The following KLF12 variants were observed in gnomAD, a reference collection of about 807,000 sequenced individuals.
KLF12 encodes KLF transcription factor 12.
Under a neutral mutation model 37.8 loss-of-function variants are expected in KLF12, and 9 were observed. That is an observed-to-expected ratio of 0.24 (90% CI 0.14 to 0.42). KLF12 has a LOEUF of 0.42. KLF12 is among the 10% of genes least tolerant of loss of function. The pLI is 1.00. For missense variants in KLF12, 411 were observed against 516.0 expected (o/e 0.80, Z 1.97); for synonymous variants, 208 against 202.1 (o/e 1.03, Z -0.25).
At chr13:73,964,780 G>A (rs1239954873) in intron 2 of KLF12, among the ~76,000 whole-genome samples, 4 of 152,066 alleles carry the variant, frequency 2.6e-5, no homozygotes, top group African/African-American at 7.2e-5. Context: ...CCAAGTGTTC[G>A]AGACTGGCGT....
chr13:74,246,392 T>G, the KLF12 span, among the ~76,000 whole-genome samples: 1 of 152,172 alleles, frequency 6.6e-6, no homozygotes. Context: ...GCTAAAGTAT[T>G]TAGAATGTTG....
At chr13:73,932,453 G>A (rs1368518416) in intron 3 of KLF12, among the ~76,000 whole-genome samples, 4 of 152,090 alleles carry the variant, frequency 2.6e-5, no homozygotes, top group Non-Finnish European at 5.9e-5. Context: ...TTTTCTCAGT[G>A]ATGATTCTCT....
intron 1 of KLF12, among the ~76,000 whole-genome samples, chr13:74,041,104 A>T (rs1456488991): frequency 1.3e-5 from 2 of 152,160 alleles, no homozygotes; most frequent in Non-Finnish European, 2.9e-5. Flanking sequence ...TGACAACCAC[A>T]CTAGACTACT....
At chr13:74,190,613 C>T in the KLF12 span, among the ~76,000 whole-genome samples, 1 of 152,150 alleles carries the variant, frequency 6.6e-6, no homozygotes, top group Non-Finnish European at 1.5e-5. Context: ...TCAATTAATA[C>T]TTTATCATTT....
the KLF12 span, among the ~76,000 whole-genome samples, chr13:74,147,580 G>A: frequency 7.9e-5 from 12 of 152,130 alleles, no homozygotes; most frequent in Admixed American, 1.3e-4. Flanking sequence ...CATGAGTTTC[G>A]AAATGCTCCT....
chr13:74,151,283 A>ATAT, the KLF12 span, among the ~76,000 whole-genome samples: 1 of 152,218 alleles, frequency 6.6e-6, no homozygotes, highest in African/African-American at 2.4e-5. Context: ...TAAAACTATA[A>ATAT]TTACAACTAG....
At chr13:74,211,752 G>A in the KLF12 span, among the ~76,000 whole-genome samples, 1 of 152,166 alleles carries the variant, frequency 6.6e-6, no homozygotes, top group African/African-American at 2.4e-5. Context: ...AGGCAGATAT[G>A]TAAATGAATA....
At chr13:74,037,384 C>CA (rs1233015978) in intron 1 of KLF12, among the ~76,000 whole-genome samples, 1 of 152,048 alleles carries the variant, frequency 6.6e-6, no homozygotes, top group Non-Finnish European at 1.5e-5. Context: ...GATTCCCTTA[C>CA]AATACACACT....
intron 3 of KLF12, among the ~76,000 whole-genome samples, chr13:73,942,270 C>T (rs1890221873): frequency 6.6e-6 from 1 of 152,166 alleles, no homozygotes; most frequent in African/African-American, 2.4e-5. Context: ...CTCCAACATG[C>T]ACAGTTTGAA....
the KLF12 span, among the ~76,000 whole-genome samples, chr13:74,188,157 G>A: frequency 3.3e-5 from 5 of 152,122 alleles, no homozygotes; most frequent in Non-Finnish European, 5.9e-5. Flanking sequence ...TAGTTGTGGT[G>A]TTTTGTGTAC....
chr13:74,255,704 G>C, the KLF12 span, among the ~76,000 whole-genome samples: 1 of 152,150 alleles, frequency 6.6e-6, no homozygotes, highest in Non-Finnish European at 1.5e-5. Context: ...TGCTAAATAA[G>C]ATTGTTGTAT....
intron 1 of KLF12, among the ~76,000 whole-genome samples, chr13:74,057,213 A>T (rs992693768): frequency 6.6e-6 from 1 of 152,152 alleles, no homozygotes; most frequent in African/African-American, 2.4e-5. Flanking sequence ...ACCCAACATG[A>T]TCTTAATTTT....
the KLF12 span, among the ~76,000 whole-genome samples, chr13:74,262,844 T>C: frequency 1.3e-5 from 2 of 151,950 alleles, no homozygotes; most frequent in African/African-American, 2.4e-5. Context: ...TATATATGTA[T>C]GTACACACAT....
intron 3 of KLF12, among the ~76,000 whole-genome samples, chr13:73,883,326 A>T (rs1887069403): frequency 1.3e-5 from 2 of 152,194 alleles, no homozygotes; most frequent in Non-Finnish European, 2.9e-5. Flanking sequence ...TTATCATACA[A>T]GCCTTAGGAA....
chr13:74,225,254 A>C, the KLF12 span, among the ~76,000 whole-genome samples: 1 of 152,280 alleles, frequency 6.6e-6, no homozygotes, highest in Non-Finnish European at 1.5e-5. Flanking sequence ...CCAAAGCTTC[A>C]ATTACCACCT....
chr13:74,278,941 C>A, the KLF12 span, among the ~76,000 whole-genome samples: 15 of 152,266 alleles, frequency 9.9e-5, no homozygotes, highest in Middle Eastern at 3.4e-3. Flanking sequence ...GATACCCCAC[C>A]ACTTTCCATG....
intron 2 of KLF12, among the ~76,000 whole-genome samples, chr13:73,984,802 G>C (rs919987565): frequency 6.6e-6 from 1 of 152,188 alleles, no homozygotes; most frequent in Admixed American, 6.5e-5. Flanking sequence ...GATTCCTCCA[G>C]TTTGAAGATG....
intron 6 of KLF12, among the ~76,000 whole-genome samples, chr13:73,720,217 G>A (rs771540558): frequency 6.6e-6 from 1 of 152,046 alleles, no homozygotes; most frequent in African/African-American, 2.4e-5. Flanking sequence ...CATAAGAAGG[G>A]GTGTTAGGTA....
intron 6 of KLF12, among the ~76,000 whole-genome samples, chr13:73,743,834 G>C (rs1350138084): frequency 1.3e-5 from 2 of 152,130 alleles, no homozygotes; most frequent in Non-Finnish European, 2.9e-5. Flanking sequence ...TTCTAAGAAA[G>C]TTACGCTTCC....
Sources: allele counts gnomAD v4.1 joint callset (sites outside exome capture counted in the v4.1 genomes callset), GRCh38; gene constraint gnomAD v4.1.1; transcripts MANE v1.5; gene names NCBI Gene and HGNC (gene_info 2026-07-23, HGNC 2026-07-21).